The following VPS13B variants were observed in gnomAD, a reference collection of about 807,000 sequenced individuals.
VPS13B encodes vacuolar protein sorting 13 homolog B.
Under a neutral mutation model 426.4 loss-of-function variants are expected in VPS13B, and 285 were observed. The observed-to-expected ratio is 0.67, with a 90% CI of 0.61 to 0.74. The LOEUF (loss-of-function observed/expected upper bound fraction) is 0.74. Ranked by LOEUF, VPS13B falls within the 30% of genes least tolerant of loss-of-function variation. The pLI is 0.00. For synonymous variants in VPS13B, 1,676 were observed against 1,676.4 expected (o/e 1.00, Z 0.01); for missense variants, 4,537 against 4,782.6 (o/e 0.95, Z 1.51).
intron 3 of VPS13B, among the ~76,000 whole-genome samples, chr8:99,082,322 T>C (rs990079231): frequency 1.3e-5 from 2 of 152,230 alleles, no homozygotes; most frequent in African/African-American, 4.8e-5. Flanking sequence ...TGTTATTTTC[T>C]TGTAAATTTG....
chr8:99,538,346 A>G (rs1823370716), intron 30 of VPS13B, among the ~76,000 whole-genome samples: 1 of 152,186 alleles, frequency 6.6e-6, no homozygotes, highest in African/African-American at 2.4e-5. Flanking sequence ...AATATGTAAA[A>G]GTAGGTTCTT....
At chr8:99,768,752 T>C (rs1238845837) in intron 40 of VPS13B, among the ~76,000 whole-genome samples, 1 of 152,200 alleles carries the variant, frequency 6.6e-6, no homozygotes, top group Non-Finnish European at 1.5e-5. Flanking sequence ...AGTGTTTTAA[T>C]TTTACCTGCA....
At chr8:99,760,654 G>A (rs1171102838) in intron 39 of VPS13B, among the ~76,000 whole-genome samples, 1 of 151,906 alleles carries the variant, frequency 6.6e-6, no homozygotes, top group Non-Finnish European at 1.5e-5. Context: ...TTAAAATATT[G>A]TACTCAGTGT....
At chr8:99,609,461 T>C (rs1331598811) in intron 33 of VPS13B, among the ~76,000 whole-genome samples, 1 of 152,190 alleles carries the variant, frequency 6.6e-6, no homozygotes, top group African/African-American at 2.4e-5. Flanking sequence ...TAGTTTTCCT[T>C]GAAGTAACAG....
chr8:99,125,706 G>A (rs189163835), intron 8 of VPS13B, among the ~76,000 whole-genome samples: 15 of 152,170 alleles, frequency 9.9e-5, no homozygotes, highest in Admixed American at 5.9e-4. Flanking sequence ...AAATATAGTG[G>A]GGATAATTAT....
chr8:99,667,627 C>T (rs1588606356), intron 35 of VPS13B, among the ~76,000 whole-genome samples: 1 of 152,096 alleles, frequency 6.6e-6, no homozygotes, highest in Non-Finnish European at 1.5e-5. Flanking sequence ...AATTTTCCTA[C>T]TGTAAGCAAT....
chr8:99,697,520 G>A (rs1832080238), intron 35 of VPS13B: 7 of 732,800 alleles, frequency 9.6e-6, no homozygotes, highest in African/African-American at 5.2e-5. Flanking sequence ...AGAGAAGGAG[G>A]AGCTGGAGCT....
At chr8:99,845,825 A>T (rs1220916932) in intron 54 of VPS13B, among the ~76,000 whole-genome samples, 1 of 152,180 alleles carries the variant, frequency 6.6e-6, no homozygotes, top group Non-Finnish European at 1.5e-5. Flanking sequence ...TTCTCAATAG[A>T]TGGAGAGATA....
chr8:99,666,336 C>G (rs1217043386), intron 35 of VPS13B, among the ~76,000 whole-genome samples: 4 of 152,226 alleles, frequency 2.6e-5, no homozygotes, highest in Middle Eastern at 3.4e-3. Context: ...GATACCAAAG[C>G]CTGGCAGAGA....
At chr8:99,205,625 G>C (rs1338782919) in intron 17 of VPS13B, among the ~76,000 whole-genome samples, 1 of 152,052 alleles carries the variant, frequency 6.6e-6, no homozygotes, top group African/African-American at 2.4e-5. Context: ...AAAGTTACTT[G>C]GATAGACTGA....
At position 99,447,795 on chromosome 8, in the gene VPS13B, A is replaced by G. The variant is rs557374310; in HGVS notation, c.3445+5160A>G. On this transcript the variant is annotated intron_variant, in intron 23 of 61. Transcript: ENST00000357162. ...TTTTTATTTTTTTAGGAGAGGGATC[A>G]TTCAACATATTTATCGTGTTGCTGT... Among the ~76,000 whole-genome samples the G allele has an allele frequency of 2.0e-5, 3 of 152,204 alleles. No individual in the cohort carries two copies. In the South Asian group the frequency reaches 6.2e-4, roughly 32 times the overall value.
chr8:99,593,572 A>C (rs547021348), intron 33 of VPS13B, among the ~76,000 whole-genome samples: 1 of 152,270 alleles, frequency 6.6e-6, no homozygotes, highest in East Asian at 1.9e-4. Context: ...TACCCAAAGG[A>C]ATATAAATCC....
At chr8:99,834,335 A>C (rs1347182138) in intron 52 of VPS13B, among the ~76,000 whole-genome samples, 2 of 152,198 alleles carry the variant, frequency 1.3e-5, no homozygotes, top group East Asian at 3.8e-4. Context: ...TCATCACAGA[A>C]GGCAACCTTT....
chr8:99,821,443 T>C lies in VPS13B; in HGVS notation c.9144T>C (p.Asp3048=). ...CACTGGATGAAGAAGCGTTTGTTGA[T>C]ACTGAAATAAGACTTGGTGCTTTTC... ...VVTLDEEAFV[D]TEIRLGAFPG... The change falls in exon 50 of 62, where the codon GAT becomes GAC. Residue 3048 remains aspartate, a synonymous_variant. Transcript: ENST00000357162. The C allele has an allele frequency of 1.2e-6, 2 of 1,613,832 alleles. No homozygotes were observed. The highest frequency in any genetic ancestry group is 1.7e-6 in the Non-Finnish European group (2 of 1,179,780).
intron 3 of VPS13B, among the ~76,000 whole-genome samples, chr8:99,053,647 G>C (rs529028805): frequency 2.0e-5 from 3 of 150,272 alleles, no homozygotes; most frequent in East Asian, 3.9e-4. Flanking sequence ...TCCATGTTGT[G>C]GCATATGACA....
chr8:99,391,797 C>T, intron 21 of VPS13B, 93 bp downstream of exon 21: 1 of 1,463,038 alleles, frequency 6.8e-7, no homozygotes, highest in Non-Finnish European at 9.4e-7. Context: ...TGGCCAAAGA[C>T]ATGAGACTCA....
chr8:99,187,800 C>G (rs1813302176), intron 16 of VPS13B, among the ~76,000 whole-genome samples: 1 of 152,016 alleles, frequency 6.6e-6, no homozygotes, highest in Non-Finnish European at 1.5e-5. Context: ...GAGATCCTGT[C>G]TCTATAAAAA....
chr8:99,200,088 T>A lies in VPS13B; in HGVS notation c.2515+7031T>A, dbSNP rs571502380. Among the ~76,000 whole-genome samples, 27 of 152,314 alleles carry A rather than the reference T, an allele frequency of 1.8e-4. 1 individual carries two copies. The South Asian group carries it at 5.4e-3, about 30-fold the overall frequency. ...CAGCAATAGGCAAATACTAATCTAC[T>A]TTTTGTCTGTATGGATGTGCCTATT... On this transcript the variant is annotated intron_variant, in intron 17 of 61. Transcript: ENST00000357162.
At chr8:99,021,273 A>G (rs548843364) in intron 2 of VPS13B, among the ~76,000 whole-genome samples, 2 of 152,292 alleles carry the variant, frequency 1.3e-5, no homozygotes, top group East Asian at 1.9e-4. Context: ...CTAAATCGTT[A>G]TATGTAAGGA....
Sources: allele counts gnomAD v4.1 joint callset (sites outside exome capture counted in the v4.1 genomes callset), GRCh38; gene constraint gnomAD v4.1.1; transcripts MANE v1.5; gene names NCBI Gene and HGNC (gene_info 2026-07-23, HGNC 2026-07-21).